The following CAPN9 variants were observed in gnomAD, a reference collection of about 807,000 sequenced individuals.
CAPN9 encodes calpain-9.
A neutral mutation model predicts 92.8 loss-of-function variants in CAPN9; 81 were observed. The observed-to-expected ratio is 0.87, with a 90% confidence interval of 0.73 to 1.05. CAPN9 has a LOEUF of 1.05. Among genes scored for constraint, CAPN9 ranks in the 50% least tolerant of loss-of-function variants. The pLI is 0.00. For synonymous variants in CAPN9, 304 were observed against 328.0 expected (o/e 0.93, Z 0.79); for missense variants, 848 against 866.2 (o/e 0.98, Z 0.26).
intron 13 of CAPN9, 43 bp from the exon 14 acceptor site, chr1:230,790,089 A>T (rs1322802547): frequency 6.7e-7 from 1 of 1,502,628 alleles, no homozygotes; most frequent in Non-Finnish European, 9.3e-7. Context: ...CTATAAAAGA[A>T]GGTGCCAAGG....
chr1:230,792,575 C>A, intron 16 of CAPN9, 81 bp downstream of exon 16: 1 of 1,121,084 alleles, frequency 8.9e-7, no homozygotes, highest in Non-Finnish European at 1.4e-6. Flanking sequence ...GTGCAGCAGG[C>A]TGCAGGCTAT....
chr1:230,782,573 A>G (rs903906580), intron 11 of CAPN9, among the ~76,000 whole-genome samples: 3 of 152,182 alleles, frequency 2.0e-5, no homozygotes, highest in Admixed American at 6.5e-5. Context: ...GTCCCCCTAA[A>G]TATGTGAATA....
intron 1 of CAPN9, among the ~76,000 whole-genome samples, chr1:230,750,181 CA>C (rs1664676287): frequency 6.6e-6 from 1 of 152,282 alleles, no homozygotes; most frequent in Admixed American, 6.5e-5. Flanking sequence ...GCCCTTGATA[CA>C]CACAAGCCCC....
intron 6 of CAPN9, among the ~76,000 whole-genome samples, chr1:230,771,583 C>T (rs1006717458): frequency 1.3e-5 from 2 of 152,218 alleles, no homozygotes; most frequent in African/African-American, 4.8e-5. Context: ...GAAGAAAGTT[C>T]AGTAATAGTT....
At position 230,798,228 on chromosome 1, in the gene CAPN9, C is replaced by T. The variant is rs759836078; in HGVS notation, c.2046+8C>T. ...CATCTCAATATAAATGAGGTATGGC[C>T]AATCCAGACCCTCTGCTCAGGGACC... On this transcript the variant is annotated splice_region_variant and intron_variant, in intron 19 of 19. Transcript: ENST00000271971. The T allele has an allele frequency of 5.6e-6, 9 of 1,600,140 alleles. No homozygotes were observed. The highest frequency in any genetic ancestry group is 1.3e-5 in the African/African-American group (1 of 74,630).
chr1:230,770,388 G>T (rs1378005100), intron 6 of CAPN9, among the ~76,000 whole-genome samples: 2 of 152,168 alleles, frequency 1.3e-5, no homozygotes, highest in Non-Finnish European at 2.9e-5. Context: ...CACCTACACT[G>T]GGGAGGGCAA....
intron 13 of CAPN9, among the ~76,000 whole-genome samples, chr1:230,789,296 T>C (rs934186106): frequency 6.6e-6 from 1 of 151,680 alleles, no homozygotes; most frequent in Non-Finnish European, 1.5e-5. Context: ...CTGGGCAACA[T>C]AGGGAGAGCC....
chr1:230,772,761 TTA>T lies in CAPN9; in HGVS notation c.875+663_875+664del, dbSNP rs1491362395. ...CCCCATCTCTTTTTTTTTTTTTTTTTTAAAGGAAAAAAAATAGAGGACATGGA... is the reference window on the plus strand; with the variant it reads ...CCCCATCTCTTTTTTTTTTTTTTTTTAAGGAAAAAAAATAGAGGACATGGA... On this transcript the variant is annotated intron_variant, in intron 7 of 19. Transcript: ENST00000271971. Among the ~76,000 whole-genome samples the T allele has an allele frequency of 2.7e-5, 4 of 149,834 alleles. No homozygotes were observed. The East Asian group carries it at 7.8e-4, about 29-fold the overall frequency.
In CAPN9 at chr1:230,747,628, G is replaced by A. The variant is rs1664503370; in HGVS notation, c.132G>A (p.Glu44=). The part of the protein sequence containing the change: ...QECLQRGTLF[E]DADFPASNSS... Reference sequence around the variant, plus strand: ...GCCTGCAGAGAGGCACCCTGTTTGAGGATGCAGACTTCCCAGCCAGCAATT... The same window carrying A: ...GCCTGCAGAGAGGCACCCTGTTTGAAGATGCAGACTTCCCAGCCAGCAATT... Residue 44 remains glutamate, a synonymous_variant, in exon 1 of 20, where the codon GAG becomes GAA. Transcript: ENST00000271971. 1 of 1,614,058 alleles carries A rather than the reference G, an allele frequency of 6.2e-7. No individual in the cohort carries two copies.
intron 2 of CAPN9, among the ~76,000 whole-genome samples, chr1:230,755,903 C>G (rs1382365795): frequency 2.6e-5 from 4 of 152,138 alleles, no homozygotes; most frequent in Non-Finnish European, 5.9e-5. Context: ...AGAGCCCTTA[C>G]TGCTAACCAT....
Position 230,769,192 on chromosome 1 carries a change from G to A in CAPN9, c.718G>A (p.Ala240Thr). Residue 240 changes from alanine (A) to threonine (T), a missense_variant, in exon 6 of 20, where the codon GCA (alanine) becomes ACA (threonine). Physicochemically the swap from Ala to Thr is moderately conservative, Grantham distance 58. Transcript: ENST00000271971. ...TTCCATGTTTTAGACCAGAAGTGCT[G>A]CAGAATCTGAGGCCCGGACGCCGTT... ...LGCFIDTRSA[A>T]ESEARTPFGL... 1 of 1,613,952 alleles carries A rather than the reference G, an allele frequency of 6.2e-7. No individual in the cohort carries two copies. The highest frequency in any genetic ancestry group is 8.5e-7 in the Non-Finnish European group (1 of 1,179,808).
chr1:230,749,788 G>C (rs1357591735), intron 1 of CAPN9, among the ~76,000 whole-genome samples: 2 of 152,284 alleles, frequency 1.3e-5, no homozygotes, highest in East Asian at 1.9e-4. Context: ...CAAAGAGCCT[G>C]GTGTGTAAAG....
At chr1:230,759,283 A>G (rs1161170034) in intron 2 of CAPN9, among the ~76,000 whole-genome samples, 1 of 152,232 alleles carries the variant, frequency 6.6e-6, no homozygotes, top group East Asian at 1.9e-4. Flanking sequence ...AGCATGTCCT[A>G]TAACAGTGCC....
chr1:230,786,126 T>C (rs1266427640), intron 12 of CAPN9, 109 bp downstream of exon 12: 7 of 1,598,302 alleles, frequency 4.4e-6, no homozygotes, highest in Middle Eastern at 1.7e-4. Flanking sequence ...GATGGTTACA[T>C]GCAATCAAGT....
intron 4 of CAPN9, among the ~76,000 whole-genome samples, chr1:230,764,328 G>A (rs1665829652): frequency 6.6e-6 from 1 of 152,200 alleles, no homozygotes; most frequent in African/African-American, 2.4e-5. Flanking sequence ...ACTTGAACTG[G>A]GACATCCATA....
intron 4 of CAPN9, among the ~76,000 whole-genome samples, chr1:230,767,220 A>T (rs1172119770): frequency 6.6e-6 from 1 of 152,112 alleles, no homozygotes; most frequent in South Asian, 2.1e-4. Flanking sequence ...GCATATAAGA[A>T]AATGAAGGCA....
intron 3 of CAPN9, among the ~76,000 whole-genome samples, chr1:230,761,356 G>A (rs1433097365): frequency 6.6e-6 from 1 of 152,138 alleles, no homozygotes; most frequent in Non-Finnish European, 1.5e-5. Flanking sequence ...GGCCCCCTGA[G>A]CCAGCCCCTC....
At chr1:230,774,913 G>C (rs181092538) in intron 8 of CAPN9, among the ~76,000 whole-genome samples, 1 of 151,724 alleles carries the variant, frequency 6.6e-6, no homozygotes, top group Admixed American at 6.6e-5. Flanking sequence ...GACTCATTTT[G>C]TATCTTTAGT....
intron 6 of CAPN9, among the ~76,000 whole-genome samples, chr1:230,770,354 G>C (rs925744008): frequency 2.0e-5 from 3 of 152,158 alleles, no homozygotes; most frequent in Non-Finnish European, 4.4e-5. Flanking sequence ...GTTCTGGTCA[G>C]GTCTTCACAG....
Sources: gnomAD v4.1 joint callset for allele counts (sites outside exome capture counted in the v4.1 genomes callset) on GRCh38, gnomAD v4.1.1 for gene constraint, MANE v1.5 for transcripts, NCBI Gene and HGNC (gene_info 2026-07-23, HGNC 2026-07-21) for gene names.